The following HCRTR1 variants were observed in gnomAD, a reference collection of about 807,000 sequenced individuals.
HCRTR1 encodes the protein orexin/Hypocretin receptor type 1.
Under a neutral mutation model 40.6 loss-of-function variants are expected in HCRTR1, and 28 were observed. The observed-to-expected ratio is 0.69, with a 90% confidence interval of 0.51 to 0.95. The LOEUF is 0.95. Ranked by LOEUF, HCRTR1 falls within the 40% of genes least tolerant of loss-of-function variation. HCRTR1 has a pLI of 0.00. For missense variants in HCRTR1, 482 were observed against 564.7 expected, an observed-to-expected ratio of 0.85 and a Z score of 1.48; for synonymous variants, 209 against 230.0, an observed-to-expected ratio of 0.91 and a Z score of 0.83.
In HCRTR1 at chr1:31,619,563, G is replaced by C; in HGVS notation, c.231G>C (p.Met77Ile). Residue 77 changes from methionine (M) to isoleucine (I), a missense_variant, in exon 4 of 9, where the codon ATG (methionine) becomes ATC (isoleucine). Met to Ile is a conservative substitution (Grantham distance 10). Transcript: ENST00000403528. ...TGGCCGTGTGGCGGAACCACCACAT[G>C]AGGACAGTCACCAACTACTTCATTG... ...VCLAVWRNHHMRTVTNYFIVN... is the reference protein window; with the variant it reads ...VCLAVWRNHHIRTVTNYFIVN... 6.2e-7 allele frequency: 1 copy of C among 1,614,126 alleles called. No individual in the cohort carries two copies. The highest frequency in any genetic ancestry group is 8.5e-7 in the Non-Finnish European group (1 of 1,180,006).
At chr1:31,623,491 C>T (rs1167393463) in intron 6 of HCRTR1, 32 bp from the exon 7 acceptor site, 2 of 1,583,950 alleles carry the variant, frequency 1.3e-6, no homozygotes, top group Non-Finnish European at 1.7e-6. Flanking sequence ...GGTGCTGTAC[C>T]CACCACTGCT....
At chr1:31,630,986 T>C, downstream of HCRTR1, 3 of 727,904 alleles carry the variant, frequency 4.1e-6, no homozygotes, top group Non-Finnish European at 4.7e-6. Flanking sequence ...ATCCCAAGGG[T>C]CTGTCTAAGA....
Position 31,627,586 on chromosome 1 carries a change from CA to C in HCRTR1, c.*608del. ...TGGCAGAGAGGCCAGCAGCCCGAAGCAACTGTAATTAAAAGCCTGGCACTGA... is the reference window on the plus strand; with the variant it reads ...TGGCAGAGAGGCCAGCAGCCCGAAGCACTGTAATTAAAAGCCTGGCACTGA... On this transcript the variant is annotated 3_prime_UTR_variant, in exon 9 of 9. Transcript: ENST00000403528. 2.9e-6 allele frequency: 1 copy of C among 343,798 alleles called. No individual in the cohort carries two copies. The highest frequency in any genetic ancestry group is 2.2e-5 in the South Asian group (1 of 45,640). 21.3% of individuals were successfully genotyped at this position (343,798 alleles called of 1,614,324 possible). A position where few individuals can be genotyped will look rare whatever the true frequency, so the allele number is the denominator to read the frequency against.
rs187526271 is a variant in HCRTR1, at chr1:31,623,550, C to T, written c.766C>T (p.Arg256Trp). ...QIPGTTSALV[R>W]NWKRPSDQLG... The stretch of plus-strand genomic sequence containing the variant: ...CCCCGGCACCACCTCAGCACTGGTG[C>T]GGAACTGGAAGCGCCCCTCAGACCA... The change falls in exon 7 of 9, where the codon CGG (arginine) becomes TGG (tryptophan). Residue 256 changes from arginine to tryptophan, a missense_variant. Arg to Trp is a moderately radical substitution (Grantham distance 101). Coordinates refer to ENST00000403528, the MANE Select transcript of HCRTR1 (RefSeq NM_001525.3). 68 of 1,613,202 alleles carry T rather than the reference C, an allele frequency of 4.2e-5. No homozygotes were observed. The East Asian group carries it at 1.0e-3, about 25-fold the overall frequency.
Position 31,619,228 on chromosome 1 carries a change from G to A in HCRTR1, c.36G>A (p.Gly12=). The change falls in exon 3 of 9, where the codon GGG becomes GGA. Residue 12 remains glycine, a synonymous_variant. Transcript: ENST00000403528. ...CAGCCACCCCAGGGGCCCAGATGGG[G>A]GTCCCCCCTGGCAGCAGAGAGCCGT... ...EPSATPGAQM[G]VPPGSREPSP... 2 of 1,613,290 alleles carry A rather than the reference G, an allele frequency of 1.2e-6. No homozygotes were observed. Among genetic ancestry groups the A allele is most frequent in the Non-Finnish European group, 1.7e-6 (2 of 1,180,002 alleles).
chr1:31,630,722 T>A, downstream of HCRTR1: 1 of 1,614,164 alleles, frequency 6.2e-7, no homozygotes, highest in Non-Finnish European at 8.5e-7. Flanking sequence ...CACCTGCAGC[T>A]GGGTGCACAC....
chr1:31,624,901 T>C (rs1286703690), intron 7 of HCRTR1, 96 bp from the exon 8 acceptor site: 1 of 1,347,510 alleles, frequency 7.4e-7, no homozygotes, highest in Admixed American at 2.4e-5. Context: ...CAGTAGGAAC[T>C]CTTGCACTTT....
chr1:31,620,184 A>G (rs1639822968), intron 4 of HCRTR1, among the ~76,000 whole-genome samples: 1 of 152,158 alleles, frequency 6.6e-6, no homozygotes, highest in South Asian at 2.1e-4. Context: ...GGGTGGAAGG[A>G]AGGCTTCTCT....
downstream of HCRTR1, chr1:31,632,309 G>C: frequency 9.9e-7 from 1 of 1,014,456 alleles, no homozygotes; most frequent in Non-Finnish European, 1.5e-6. Flanking sequence ...TCCTTGCCCT[G>C]GCTCTTGGCT....
Position 31,619,286 on chromosome 1 carries a change from C to A in HCRTR1, c.94C>A (p.Leu32Ile). 1.2e-6 allele frequency: 2 copies of A among 1,614,170 alleles called. No homozygotes were observed. Among genetic ancestry groups the A allele is most frequent in the Non-Finnish European group, 1.7e-6 (2 of 1,180,038 alleles). Residue 32 changes from leucine (L) to isoleucine (I), a missense_variant, in exon 3 of 9, where the codon CTC becomes ATC. Physicochemically the swap from Leu to Ile is conservative, Grantham distance 5 (BLOSUM62 2). Transcript: ENST00000403528. ...PVPPDYEDEF[L>I]RYLWRDYLYP... The stretch of plus-strand genomic sequence containing the variant: ...GCCTCCAGACTATGAAGATGAGTTT[C>A]TCCGCTATCTGTGGCGCGATTATCT...
rs753805340 is a variant in HCRTR1 at position 31,625,441 on chromosome 1, CA to C, written c.1087+324del. Among the ~76,000 whole-genome samples, 1 of 152,210 alleles carries C rather than the reference CA, an allele frequency of 6.6e-6. No homozygotes were observed. The highest frequency in any genetic ancestry group is 1.5e-5 in the Non-Finnish European group (1 of 68,024). ...GGCACAGCAAGACCTCCAATCAGCT[CA>C]GGCAGAGGAGTCCATCCTCCCCGGA... On this transcript the variant is annotated intron_variant, in intron 8 of 8. Coordinates refer to ENST00000403528, the MANE Select transcript of HCRTR1 (RefSeq NM_001525.3). This position sits in a 1 kb window ranked among gnomAD's most constrained non-coding sequence, Gnocchi z 4.2.
downstream of HCRTR1, chr1:31,630,750 G>C: frequency 6.2e-7 from 1 of 1,614,148 alleles, no homozygotes. Flanking sequence ...AAGCGGTCAA[G>C]CTGCATGGCA....
chr1:31,633,252 G>T, downstream of HCRTR1: 1 of 1,614,076 alleles, frequency 6.2e-7, no homozygotes, highest in South Asian at 1.1e-5. Flanking sequence ...TAGCCACTGT[G>T]ATCTGAGTCC....
chr1:31,629,480 CTG>C (rs1317995445), downstream of HCRTR1, among the ~76,000 whole-genome samples: 1 of 152,150 alleles, frequency 6.6e-6, no homozygotes, highest in African/African-American at 2.4e-5. Flanking sequence ...GTACAGATGT[CTG>C]TGCTTAATAA....
In HCRTR1 at chr1:31,619,517, C is replaced by T. The variant is rs374440426; in HGVS notation, c.200-15C>T. ...TGTGGCTCTGCCACCAGCTTCACCT[C>T]GCTGCACCCTGCAGTCTGCCTGGCC... On this transcript the variant is annotated splice_polypyrimidine_tract_variant and intron_variant, in intron 3 of 8. Transcript: ENST00000403528. 9 of 1,613,746 alleles carry T rather than the reference C, an allele frequency of 5.6e-6. No homozygotes were observed. The Admixed American group carries it at 1.0e-4, about 18-fold the overall frequency.
At chr1:31,624,464 A>AT (rs1639931610) in intron 7 of HCRTR1, among the ~76,000 whole-genome samples, 1 of 114,348 alleles carries the variant, frequency 8.7e-6, no homozygotes, top group African/African-American at 2.7e-5. Context: ...AAAAAAAAAA[A>AT]AAAAAAAGCC....
In HCRTR1 at chr1:31,624,804, G is replaced by A. The variant is rs1401687843; in HGVS notation, c.966-193G>A. 2.0e-5 allele frequency among the ~76,000 whole-genome samples: 3 copies of A among 152,166 alleles called. No individual in the cohort carries two copies. In the South Asian group the frequency reaches 6.2e-4, roughly 31 times the overall value. ...CCAGGAGGCTAGAGATGCCCATCACGGTGCTTGATACCCTCCATGCTTGAG... is the reference window on the plus strand; with the variant it reads ...CCAGGAGGCTAGAGATGCCCATCACAGTGCTTGATACCCTCCATGCTTGAG... On this transcript the variant is annotated intron_variant, in intron 7 of 8. Transcript: ENST00000403528.
chr1:31,629,132 T>C (rs1263764251), downstream of HCRTR1, among the ~76,000 whole-genome samples: 2 of 152,208 alleles, frequency 1.3e-5, no homozygotes, highest in African/African-American at 2.4e-5. Context: ...GGCTGGCCTC[T>C]GGGAACTGGA....
At chr1:31,632,338 A>C (rs1411746553), downstream of HCRTR1, 4 of 1,309,084 alleles carry the variant, frequency 3.1e-6, no homozygotes, top group Non-Finnish European at 4.4e-6. Context: ...CAGCTGGGTC[A>C]AAGAAGGGGT....
Sources: gnomAD v4.1 joint callset for allele counts (sites outside exome capture counted in the v4.1 genomes callset) on GRCh38, gnomAD v4.1.1 for gene constraint, Gnocchi (gnomAD v3.1) non-coding constraint, MANE v1.5 for transcripts, NCBI Gene and HGNC (gene_info 2026-07-23, HGNC 2026-07-21) for gene names.